Variants in SLC7A6 observed in about 807,000 individuals in gnomAD.
SLC7A6 encodes the protein solute carrier family 7 member 6.
A neutral mutation model predicts 46.6 loss-of-function variants in SLC7A6; 29 were observed. That is an observed-to-expected ratio of 0.62 (90% CI 0.46 to 0.85). The LOEUF is 0.85. Ranked by LOEUF, SLC7A6 falls within the 40% of genes least tolerant of loss-of-function variation. SLC7A6 has a pLI of 0.00. For synonymous variants in SLC7A6, 276 were observed against 257.3 expected (o/e 1.07, Z -0.70); for missense variants, 527 against 647.6 (o/e 0.81, Z 2.02).
chr16:68,264,581 CGGGCTG>C lies in SLC7A6; in HGVS notation c.-166+8_-166+13del, dbSNP rs2042492779. The C allele has an allele frequency of 6.6e-6, 1 of 152,272 alleles. No individual in the cohort carries two copies. Among genetic ancestry groups the C allele is most frequent in the African/African-American group, 2.4e-5 (1 of 41,380 alleles). The allele number at this position is 152,272 out of a possible 1,614,324, so 9.4% of individuals were successfully genotyped here. ...GCGGCGCCGGGCCACTGGGAGGTAA[CGGGCTG>C]GGCCATGGGCGGGCGCGCCGGGAGC... On this transcript the variant is annotated splice_donor_region_variant and intron_variant, in intron 1 of 10. Coordinates refer to ENST00000219343, the MANE Select transcript of SLC7A6 (RefSeq NM_003983.6). This position sits in a 1 kb window ranked among gnomAD's most constrained non-coding sequence, Gnocchi z 5.8.
chr16:68,291,765 G>GTGTGTGTA, intron 7 of SLC7A6, 104 bp downstream of exon 7: 1 of 531,610 alleles, frequency 1.9e-6, no homozygotes, highest in Non-Finnish European at 3.2e-6. Flanking sequence ...CATATAGGGT[G>GTGTGTGTA]TGTGTGTGTG....
At chr16:68,275,400 A>G in intron 3 of SLC7A6, 151 bp downstream of exon 3, 2 of 903,088 alleles carry the variant, frequency 2.2e-6, no homozygotes, top group East Asian at 5.1e-5. Flanking sequence ...GTTCGAGACC[A>G]GCCTGACCAA....
At chr16:68,271,125 A>G (rs2151214563) in intron 2 of SLC7A6, among the ~76,000 whole-genome samples, 1 of 151,928 alleles carries the variant, frequency 6.6e-6, no homozygotes, top group South Asian at 2.1e-4. Flanking sequence ...GGTGGATTAC[A>G]GGTGTGGACC....
At chr16:68,267,098 C>A (rs1161796896) in intron 2 of SLC7A6, among the ~76,000 whole-genome samples, 1 of 151,176 alleles carries the variant, frequency 6.6e-6, no homozygotes, top group Non-Finnish European at 1.5e-5. Flanking sequence ...CCATGCCCAG[C>A]TAATTATTGT....
intron 2 of SLC7A6, chr16:68,273,066 G>A (rs2042648605): frequency 6.6e-6 from 1 of 152,238 alleles, no homozygotes; most frequent in Admixed American, 6.5e-5. Flanking sequence ...TCACTCCTGG[G>A]ACTGGGGGAA....
rs1364645915 is a variant in SLC7A6 at position 68,297,387 on chromosome 16, C to T, written c.*59C>T. On this transcript the variant is annotated 3_prime_UTR_variant, in exon 11 of 11. Coordinates refer to ENST00000219343, the MANE Select transcript of SLC7A6 (RefSeq NM_003983.6). The stretch of plus-strand genomic sequence containing the variant: ...AGGCCAACCAGCAAAATCCTGATAA[C>T]AAGACTCTGTGGGCCCAACTCTCCT... 2.2e-5 allele frequency: 31 copies of T among 1,436,728 alleles called. No individual in the cohort carries two copies. The highest frequency in any genetic ancestry group is 2.6e-5 in the Non-Finnish European group (27 of 1,026,760). 89.0% of individuals were successfully genotyped at this position (1,436,728 alleles called of 1,614,324 possible). A position where few individuals can be genotyped will look rare whatever the true frequency, so the allele number is the denominator to read the frequency against.
intron 2 of SLC7A6, among the ~76,000 whole-genome samples, chr16:68,272,257 A>AT (rs2042635443): frequency 8.7e-6 from 1 of 114,364 alleles, no homozygotes. Flanking sequence ...CTACAGACAA[A>AT]TTAAAAAAAA....
intron 3 of SLC7A6, among the ~76,000 whole-genome samples, chr16:68,279,661 C>CACGGTGGCCCGTGAG (rs2042794352): frequency 6.6e-6 from 1 of 152,200 alleles, no homozygotes; most frequent in Admixed American, 6.5e-5. Context: ...GCCTCAGCCT[C>CACGGTGGCCCGTGAG]CCAAGTAGCT....
At chr16:68,296,268 G>A (rs2043163262) in intron 8 of SLC7A6, 96 bp from the exon 9 acceptor site, 1 of 1,358,890 alleles carries the variant, frequency 7.4e-7, no homozygotes, top group Non-Finnish European at 1.0e-6. Flanking sequence ...ATCTGGTGAA[G>A]TGGCATCAGA....
Position 68,287,847 on chromosome 16 carries a change from A to G in SLC7A6, c.625A>G (p.Met209Val). 6.2e-7 allele frequency: 1 copy of G among 1,614,188 alleles called. No homozygotes were observed. Residue 209 changes from methionine to valine, a missense_variant, in exon 4 of 11, where the codon ATG (methionine) becomes GTG (valine). Transcript: ENST00000219343. ...CGTAGCGCTCATTGCCATCATTGTC[A>G]TGGGCCTTGTTAAACTGTGCCAGGG... is the stretch of plus-strand genomic sequence containing the variant. ...KVVALIAIIVMGLVKLCQGHS... is the reference protein window; with the variant it reads ...KVVALIAIIVVGLVKLCQGHS...
intron 5 of SLC7A6, 142 bp from the exon 6 acceptor site, chr16:68,291,067 G>A: frequency 9.9e-7 from 1 of 1,005,196 alleles, no homozygotes; most frequent in Non-Finnish European, 1.5e-6. Flanking sequence ...AGAACCCAGG[G>A]TCAAGGGGAA....
chr16:68,280,110 C>T (rs1171200692), intron 3 of SLC7A6, among the ~76,000 whole-genome samples: 5 of 152,222 alleles, frequency 3.3e-5, no homozygotes, highest in East Asian at 1.9e-4. Flanking sequence ...TGAGTAGAGG[C>T]GGCAGTGGGA....
chr16:68,277,335 T>TATTTATTC, intron 3 of SLC7A6, among the ~76,000 whole-genome samples: 1 of 149,692 alleles, frequency 6.7e-6, no homozygotes, highest in African/African-American at 2.5e-5. Flanking sequence ...TTTATTTATT[T>TATTTATTC]ATTTATTTAT....
intron 8 of SLC7A6, among the ~76,000 whole-genome samples, chr16:68,295,686 G>A (rs565907414): frequency 1.3e-5 from 2 of 152,330 alleles, no homozygotes; most frequent in East Asian, 3.9e-4. Flanking sequence ...GATTATTGAA[G>A]TTTAAACACA....
intron 3 of SLC7A6, among the ~76,000 whole-genome samples, chr16:68,278,244 C>T (rs1236537940): frequency 6.6e-6 from 1 of 152,246 alleles, no homozygotes; most frequent in Non-Finnish European, 1.5e-5. Context: ...CATGAGCCAC[C>T]ATGCCCAGCC....
chr16:68,287,470 A>G, intron 3 of SLC7A6: 1 of 1,352,722 alleles, frequency 7.4e-7, no homozygotes, highest in Non-Finnish European at 9.7e-7. Flanking sequence ...GCCTGGGGGG[A>G]ATTCCCAGAA....
Position 68,296,614 on chromosome 16 carries a change from C to A in SLC7A6, c.1270-13C>A. The A allele has an allele frequency of 6.2e-7, 1 of 1,614,104 alleles. No homozygotes were observed. Among genetic ancestry groups the A allele is most frequent in the Non-Finnish European group, 8.5e-7 (1 of 1,179,974 alleles). The stretch of plus-strand genomic sequence containing the variant: ...TTCCCACGTTACTTAATCTCTCACC[C>A]CCTCTATTTCAGCTGAGCGTGTTTT... On this transcript the variant is annotated splice_polypyrimidine_tract_variant and intron_variant, in intron 9 of 10. Transcript: ENST00000219343.
intron 7 of SLC7A6, among the ~76,000 whole-genome samples, chr16:68,293,640 C>T (rs2151231506): frequency 6.6e-6 from 1 of 152,288 alleles, no homozygotes; most frequent in African/African-American, 2.4e-5. Context: ...TTCCCAGCAC[C>T]CTCTTCTCAC....
rs148094207 is a variant in SLC7A6, at chr16:68,287,218, T to G, written c.524-528T>G. On this transcript the variant is annotated intron_variant, in intron 3 of 10. Coordinates refer to ENST00000219343, the MANE Select transcript of SLC7A6 (RefSeq NM_003983.6). ...GTCTCTAACTCCTGGGCTCACATGATCCATCTGCCTCAGTTTCCCAAAGTG... is the reference window on the plus strand; with the variant it reads ...GTCTCTAACTCCTGGGCTCACATGAGCCATCTGCCTCAGTTTCCCAAAGTG... 1.0e-3 allele frequency: 823 copies of G among 788,068 alleles called. 4 individuals are homozygous for G. The African/African-American group carries it at 0.013, about 12-fold the overall frequency. The allele number at this position is 788,068 out of a possible 1,614,324, so 48.8% of individuals were successfully genotyped here. A position where few individuals can be genotyped will look rare whatever the true frequency, so the allele number is the denominator to read the frequency against.
Sources: gnomAD v4.1 joint callset for allele counts (sites outside exome capture counted in the v4.1 genomes callset) on GRCh38, gnomAD v4.1.1 for gene constraint, Gnocchi (gnomAD v3.1) non-coding constraint, MANE v1.5 for transcripts, NCBI Gene and HGNC (gene_info 2026-07-23, HGNC 2026-07-21) for gene names.